Variants in ZNF277 observed in about 807,000 individuals in gnomAD.
ZNF277 encodes the protein zinc finger protein 277.
ZNF277 carries 55 observed loss-of-function variants against 60.7 expected under a neutral mutation model. The ratio of observed to expected loss-of-function variants is 0.91; its 90% CI spans 0.73 to 1.13. The LOEUF (loss-of-function observed/expected upper bound fraction) is 1.13. Among genes scored for constraint, ZNF277 ranks in the 50% most tolerant of loss-of-function variants. The pLI is 0.00. For synonymous variants in ZNF277, 178 were observed against 179.3 expected (o/e 0.99, Z 0.06); for missense variants, 510 against 523.0 (o/e 0.98, Z 0.24).
At chr7:112,232,522 C>T (rs11768793) in intron 1 of ZNF277, among the ~76,000 whole-genome samples, 20,370 of 152,014 alleles carry the variant, frequency 0.13, 1,437 homozygotes, top group East Asian at 0.16. Flanking sequence ...ATGTCTATAC[C>T]CAAACAATAA....
intron 7 of ZNF277, among the ~76,000 whole-genome samples, chr7:112,331,874 A>G (rs562980381): frequency 6.6e-6 from 1 of 152,336 alleles, no homozygotes; most frequent in Non-Finnish European, 1.5e-5. Context: ...GGGCTCTTTT[A>G]AAACTAATAT....
chr7:112,239,373 G>C (rs936909736), intron 1 of ZNF277, among the ~76,000 whole-genome samples: 1 of 152,144 alleles, frequency 6.6e-6, no homozygotes, highest in African/African-American at 2.4e-5. Context: ...TGACTAAGGA[G>C]CCCTAGGGCT....
intron 1 of ZNF277, among the ~76,000 whole-genome samples, chr7:112,259,866 C>T (rs375495341): frequency 6.6e-6 from 1 of 152,032 alleles, no homozygotes; most frequent in Non-Finnish European, 1.5e-5. Flanking sequence ...TCAACAGATA[C>T]GTGAATTAAG....
chr7:112,313,326 C>T (rs1296508513), intron 4 of ZNF277, among the ~76,000 whole-genome samples: 1 of 150,510 alleles, frequency 6.6e-6, no homozygotes, highest in Non-Finnish European at 1.5e-5. Context: ...CTTGCCCAGG[C>T]TGGAGTGCAG....
chr7:112,248,442 C>T (rs905750701), intron 1 of ZNF277, among the ~76,000 whole-genome samples: 1 of 150,776 alleles, frequency 6.6e-6, no homozygotes, highest in African/African-American at 2.4e-5. Context: ...GGGGGAAAAA[C>T]AGAATCATAA....
chr7:112,273,359 A>T (rs1434237253), intron 1 of ZNF277, among the ~76,000 whole-genome samples: 1 of 152,158 alleles, frequency 6.6e-6, no homozygotes, highest in Non-Finnish European at 1.5e-5. Context: ...GCAAAGTCGC[A>T]CAATCACTGC....
intron 1 of ZNF277, among the ~76,000 whole-genome samples, chr7:112,272,588 G>A (rs772731600): frequency 1.3e-5 from 2 of 152,178 alleles, no homozygotes; most frequent in Non-Finnish European, 2.9e-5. Context: ...CTGCCTCCCA[G>A]ATTCAAACGA....
intron 1 of ZNF277, among the ~76,000 whole-genome samples, chr7:112,259,270 C>T (rs758481364): frequency 1.3e-5 from 2 of 152,042 alleles, no homozygotes; most frequent in Non-Finnish European, 2.9e-5. Context: ...AGATGTATTA[C>T]TCTGTTGTAT....
intron 1 of ZNF277, among the ~76,000 whole-genome samples, chr7:112,221,937 C>G (rs1822041827): frequency 6.6e-6 from 1 of 152,162 alleles, no homozygotes; most frequent in Non-Finnish European, 1.5e-5. Flanking sequence ...AATACTTTCT[C>G]CACATCTATG....
chr7:112,249,427 C>T (rs1429254877), intron 1 of ZNF277, among the ~76,000 whole-genome samples: 1 of 152,026 alleles, frequency 6.6e-6, no homozygotes, highest in Non-Finnish European at 1.5e-5. Context: ...TTTCATGCCT[C>T]GGGGATTGGA....
chr7:112,214,218 A>G (rs1461147234), intron 1 of ZNF277, among the ~76,000 whole-genome samples: 4 of 152,234 alleles, frequency 2.6e-5, no homozygotes, highest in Admixed American at 1.3e-4. Context: ...TGTCGATCAG[A>G]TTCATATAAT....
intron 1 of ZNF277, among the ~76,000 whole-genome samples, chr7:112,233,313 T>A (rs140474478): frequency 0.01 from 1,574 of 152,302 alleles, 16 homozygotes; most frequent in Middle Eastern, 0.054. Context: ...GGTTCCGTCT[T>A]ATTCTTCTGT....
intron 4 of ZNF277, among the ~76,000 whole-genome samples, chr7:112,299,324 T>G (rs968082273): frequency 2.0e-5 from 3 of 152,192 alleles, no homozygotes; most frequent in Non-Finnish European, 4.4e-5. Flanking sequence ...AGTAACAGTA[T>G]ACTTTTTCTT....
intron 1 of ZNF277, among the ~76,000 whole-genome samples, chr7:112,273,450 C>A (rs1791726530): frequency 6.6e-6 from 1 of 152,204 alleles, no homozygotes; most frequent in African/African-American, 2.4e-5. Context: ...GTGACATGAG[C>A]AATTCAAGAC....
chr7:112,318,697 G>C (rs1373227174), intron 5 of ZNF277, among the ~76,000 whole-genome samples: 1 of 152,008 alleles, frequency 6.6e-6, no homozygotes, highest in African/African-American at 2.4e-5. Context: ...AAACCAGCTG[G>C]TGCAGTACAA....
Position 112,279,792 on chromosome 7 carries a change from A to G in ZNF277, c.92-7081A>G, listed in dbSNP as rs544586518. Among the ~76,000 whole-genome samples, 33 of 152,358 alleles carry G rather than the reference A, an allele frequency of 2.2e-4. 2 individuals carry two copies. Among genetic ancestry groups the G allele is most frequent in the South Asian group, 1.7e-3 (8 of 4,834 alleles). ...GAAAAAAGAAATATTTTTAAAAAAC[A>G]TAAGAGAAAATATATTTACTACTCA... is the stretch of plus-strand genomic sequence containing the variant. On this transcript the variant is annotated intron_variant, in intron 1 of 11. Transcript: ENST00000361822.
At position 112,287,023 on chromosome 7, in the gene ZNF277, T is replaced by C. The variant is rs201319133; in HGVS notation, c.242T>C (p.Ile81Thr). ...GACAAACTTCTGAAGCACATGATTA[T>C]TGAGCATAAGATTGTCATAGCTGAT... ...EQDKLLKHMIIEHKIVIADVK... is the reference protein window; with the variant it reads ...EQDKLLKHMITEHKIVIADVK... The change falls in exon 2 of 12, where the codon ATT becomes ACT. Residue 81 changes from isoleucine (I) to threonine (T), a missense_variant. Coordinates refer to ENST00000361822, the MANE Select transcript of ZNF277 (RefSeq NM_021994.3). 81 of 1,614,022 alleles carry C rather than the reference T, an allele frequency of 5.0e-5. No individual in the cohort carries two copies. Among genetic ancestry groups the C allele is most frequent in the Non-Finnish European group, 6.0e-5 (71 of 1,180,012 alleles).
intron 1 of ZNF277, among the ~76,000 whole-genome samples, chr7:112,265,092 C>T (rs1378656095): frequency 1.3e-5 from 2 of 152,142 alleles, no homozygotes; most frequent in East Asian, 1.9e-4. Flanking sequence ...ATCATTTGTG[C>T]GTTCAGTGGA....
chr7:112,229,661 G>A (rs929283955), intron 1 of ZNF277, among the ~76,000 whole-genome samples: 6 of 152,164 alleles, frequency 3.9e-5, no homozygotes, highest in African/African-American at 1.2e-4. Flanking sequence ...CATTTATTAA[G>A]CACTAATTAT....
Sources: allele counts gnomAD v4.1 joint callset (sites outside exome capture counted in the v4.1 genomes callset), GRCh38; gene constraint gnomAD v4.1.1; transcripts MANE v1.5; gene names NCBI Gene and HGNC (gene_info 2026-07-23, HGNC 2026-07-21).